Variants in CACNA1E observed in about 807,000 individuals in gnomAD.
The protein encoded by CACNA1E is calcium voltage-gated channel subunit alpha1 E, also known as voltage-dependent R-type calcium channel subunit alpha-1E.
CACNA1E carries 40 observed loss-of-function variants against 259.2 expected under a neutral mutation model. That is an observed-to-expected ratio of 0.15 (90% CI 0.12 to 0.20). The LOEUF is 0.20. CACNA1E is among the 10% of genes least tolerant of loss of function. The pLI is 1.00. For missense variants in CACNA1E, 1,874 were observed against 3,040.1 expected, an observed-to-expected ratio of 0.62 and a Z score of 9.02; for synonymous variants, 1,104 against 1,138.5, an observed-to-expected ratio of 0.97 and a Z score of 0.61.
intron 7 of CACNA1E, among the ~76,000 whole-genome samples, chr1:181,701,482 A>C (rs1652250761): frequency 6.6e-6 from 1 of 152,162 alleles, no homozygotes; most frequent in Non-Finnish European, 1.5e-5. Flanking sequence ...TTGTGACTGA[A>C]ACATACACTG....
chr1:181,473,135 G>A (rs528429649), intron 2 of CACNA1E, among the ~76,000 whole-genome samples: 6 of 152,146 alleles, frequency 3.9e-5, no homozygotes, highest in South Asian at 2.1e-4. Context: ...TTGTATCGCC[G>A]GTGCAGCAGA....
At chr1:181,594,071 C>T (rs1039627362) in intron 6 of CACNA1E, among the ~76,000 whole-genome samples, 1 of 151,984 alleles carries the variant, frequency 6.6e-6, no homozygotes, top group Non-Finnish European at 1.5e-5. Context: ...AACATCATTG[C>T]GAGCATAGAT....
chr1:181,756,805 A>T (rs1028692485), intron 29 of CACNA1E, 120 bp from the exon 30 acceptor site: 1 of 714,346 alleles, frequency 1.4e-6, no homozygotes, highest in Non-Finnish European at 2.5e-6. Flanking sequence ...ACTCAAAAAA[A>T]ATTAATGGAG....
intron 6 of CACNA1E, among the ~76,000 whole-genome samples, chr1:181,589,793 G>C (rs576105573): frequency 6.6e-6 from 1 of 152,176 alleles, no homozygotes; most frequent in African/African-American, 2.4e-5. Flanking sequence ...TGAACTCAAG[G>C]GGAGCCCATG....
chr1:181,734,086 C>T (rs1655796220), intron 21 of CACNA1E, among the ~76,000 whole-genome samples: 1 of 152,144 alleles, frequency 6.6e-6, no homozygotes, highest in Admixed American at 6.5e-5. Flanking sequence ...CTCCCAGGTG[C>T]TCTGCTGCCC....
intron 2 of CACNA1E, among the ~76,000 whole-genome samples, chr1:181,455,678 A>G (rs954420848): frequency 3.9e-5 from 6 of 152,228 alleles, no homozygotes; most frequent in African/African-American, 1.4e-4. Context: ...AAAAACAGGC[A>G]TACAAGAGCA....
intron 1 of CACNA1E, among the ~76,000 whole-genome samples, chr1:181,410,775 C>T (rs900352186): frequency 1.4e-4 from 21 of 152,162 alleles, no homozygotes; most frequent in African/African-American, 5.1e-4. Flanking sequence ...GGGTGGGGCT[C>T]TCTACCTTTG....
At chr1:181,466,846 A>G (rs1183434823) in intron 2 of CACNA1E, among the ~76,000 whole-genome samples, 2 of 152,220 alleles carry the variant, frequency 1.3e-5, no homozygotes, top group East Asian at 3.9e-4. Context: ...CTAGTACTGA[A>G]TCCTTGAATG....
At chr1:181,682,553 C>T (rs1011201899) in intron 7 of CACNA1E, among the ~76,000 whole-genome samples, 1 of 152,152 alleles carries the variant, frequency 6.6e-6, no homozygotes, top group African/African-American at 2.4e-5. Context: ...AGTCTGTTCT[C>T]ACATTGCTAT....
At position 181,530,771 on chromosome 1, in the gene CACNA1E, A is replaced by G. The variant is rs141173500; in HGVS notation, c.512+19261A>G. On this transcript the variant is annotated intron_variant, in intron 3 of 47. Coordinates refer to ENST00000367573, the MANE Select transcript of CACNA1E (RefSeq NM_001205293.3). ...TGAGGGGCACCATATGCAGTTATCT[A>G]TATTCAGGCTATGGGTGCTGCAGAG... Among the ~76,000 whole-genome samples the G allele has an allele frequency of 7.9e-5, 12 of 152,334 alleles. No homozygotes were observed. The East Asian group carries it at 1.7e-3, about 22-fold the overall frequency.
chr1:181,380,450 C>T (rs150003504), intron 1 of CACNA1E, among the ~76,000 whole-genome samples: 134 of 152,098 alleles, frequency 8.8e-4, no homozygotes, highest in Non-Finnish European at 1.4e-3. Context: ...CAGAAAAGTC[C>T]GATAGCAAAA....
chr1:181,408,069 C>A (rs1657592788), intron 1 of CACNA1E, among the ~76,000 whole-genome samples: 1 of 152,174 alleles, frequency 6.6e-6, no homozygotes, highest in Non-Finnish European at 1.5e-5. Context: ...CCATTTCTGT[C>A]CACTATCTCT....
chr1:181,544,128 A>C (rs181651747), intron 3 of CACNA1E, among the ~76,000 whole-genome samples: 2 of 152,372 alleles, frequency 1.3e-5, no homozygotes, highest in African/African-American at 4.8e-5. Flanking sequence ...ACTACTCGAC[A>C]ATGAAAAGCA....
intron 7 of CACNA1E, among the ~76,000 whole-genome samples, chr1:181,706,824 A>C (rs971592880): frequency 6.6e-5 from 10 of 152,366 alleles, no homozygotes; most frequent in Admixed American, 1.3e-4. Flanking sequence ...TATCTTGGGC[A>C]AGTAATCTTT....
intron 2 of CACNA1E, among the ~76,000 whole-genome samples, chr1:181,446,365 G>A (rs141918700): frequency 1.6e-3 from 240 of 152,322 alleles, no homozygotes; most frequent in African/African-American, 5.0e-3. Context: ...TTCTGAGCAC[G>A]TCAGCATACA....
intron 27 of CACNA1E, among the ~76,000 whole-genome samples, chr1:181,752,529 G>A (rs750806031): frequency 6.6e-6 from 1 of 152,166 alleles, no homozygotes; most frequent in Admixed American, 6.5e-5. Context: ...TTGTCCTGGG[G>A]CCTCCTATGT....
At chr1:181,378,356 A>G (rs560756398) in intron 1 of CACNA1E, among the ~76,000 whole-genome samples, 1 of 152,382 alleles carries the variant, frequency 6.6e-6, no homozygotes, top group South Asian at 2.1e-4. Flanking sequence ...AATGGCAAGC[A>G]CATGAGGTGA....
chr1:181,432,817 AAAT>A (rs1659810040), intron 2 of CACNA1E, among the ~76,000 whole-genome samples: 1 of 152,196 alleles, frequency 6.6e-6, no homozygotes, highest in Non-Finnish European at 1.5e-5. Flanking sequence ...TGTCCAATAA[AAAT>A]AATATTTGAG....
chr1:181,595,414 CTCT>C (rs1653059792), intron 6 of CACNA1E, among the ~76,000 whole-genome samples: 5 of 152,216 alleles, frequency 3.3e-5, no homozygotes, highest in Non-Finnish European at 5.9e-5. Flanking sequence ...CACATTTAAG[CTCT>C]TGGCAGCACA....
Sources: allele counts gnomAD v4.1 joint callset (sites outside exome capture counted in the v4.1 genomes callset), GRCh38; gene constraint gnomAD v4.1.1; transcripts MANE v1.5; gene names NCBI Gene and HGNC (gene_info 2026-07-23, HGNC 2026-07-21).